The following DENND4C variants were observed in gnomAD, a reference collection of about 807,000 sequenced individuals.
DENND4C encodes DENN domain-containing protein 4C.
DENND4C carries 108 observed loss-of-function variants against 203.0 expected under a neutral mutation model. The ratio of observed to expected loss-of-function variants is 0.53; its 90% CI spans 0.46 to 0.62. The LOEUF (loss-of-function observed/expected upper bound fraction) is 0.62. DENND4C is among the 20% of genes least tolerant of loss of function. The probability of loss-of-function intolerance (pLI) is 0.00; values close to 1 mark genes in which losing one functional copy is unlikely to be tolerated. For missense variants in DENND4C, 2,481 were observed against 2,301.2 expected, an observed-to-expected ratio of 1.08 and a Z score of -1.60; for synonymous variants, 871 against 792.4, an observed-to-expected ratio of 1.10 and a Z score of -1.67.
chr9:19,340,883 T>C, intron 20 of DENND4C, 109 bp from the exon 21 acceptor site: 1 of 985,856 alleles, frequency 1.0e-6, no homozygotes, highest in Non-Finnish European at 1.4e-6. Context: ...CTTGTCTTCC[T>C]TTTGTCTAAC....
intron 5 of DENND4C, 58 bp downstream of exon 5, chr9:19,290,934 G>A: frequency 1.3e-6 from 2 of 1,494,368 alleles, no homozygotes; most frequent in Non-Finnish European, 9.2e-7. Context: ...TTCATAAAAA[G>A]GTTAATACAA....
chr9:19,348,515 A>C (rs1369480754), intron 23 of DENND4C, among the ~76,000 whole-genome samples: 1 of 152,232 alleles, frequency 6.6e-6, no homozygotes, highest in Non-Finnish European at 1.5e-5. Flanking sequence ...AATGGCTTGG[A>C]AGCTTAAAGC....
At chr9:19,256,533 A>C (rs1828012956) in intron 1 of DENND4C, among the ~76,000 whole-genome samples, 1 of 151,612 alleles carries the variant, frequency 6.6e-6, no homozygotes, top group Non-Finnish European at 1.5e-5. Flanking sequence ...TAGGCTGGTC[A>C]CGAGCTCCCA....
Position 19,341,088 on chromosome 9 carries a change from TA to T in DENND4C, c.2980del (p.Thr994LeufsTer41), listed in dbSNP as rs761043714. The stretch of plus-strand genomic sequence containing the variant: ...GAAGAACAGGCAGCAAGAGAATTGA[TA>T]ACTAAAACAAAAATGCAAACAGAAG... The part of the protein sequence containing the change: ...VPEEQAAREL[I>X]TKTKMQTEEV... On this transcript the variant is annotated frameshift_variant, in exon 21 of 33. Transcript: ENST00000434457. LOFTEE classifies it high-confidence loss of function. 1.2e-6 allele frequency: 2 copies of T among 1,611,918 alleles called. No individual in the cohort carries two copies. The highest frequency in any genetic ancestry group is 1.7e-6 in the Non-Finnish European group (2 of 1,179,180).
chr9:19,359,119 G>C (rs1825953499), intron 28 of DENND4C, among the ~76,000 whole-genome samples: 1 of 151,752 alleles, frequency 6.6e-6, no homozygotes, highest in African/African-American at 2.4e-5. Context: ...TTAAATGCTT[G>C]ATTTTTTCCT....
intron 12 of DENND4C, among the ~76,000 whole-genome samples, chr9:19,323,781 A>G (rs1843279577): frequency 6.6e-6 from 1 of 152,230 alleles, no homozygotes; most frequent in East Asian, 1.9e-4. Context: ...AAAGTTGTAG[A>G]GCTGGAGGTT....
chr9:19,249,584 G>C (rs181252345), intron 1 of DENND4C, among the ~76,000 whole-genome samples: 1 of 152,070 alleles, frequency 6.6e-6, no homozygotes, highest in South Asian at 2.1e-4. Flanking sequence ...ACAAACACAA[G>C]AACTCCTTTC....
In DENND4C at chr9:19,316,858, A is replaced by G; in HGVS notation, c.1807+19A>G. On this transcript the variant is annotated intron_variant, in intron 12 of 32. Transcript: ENST00000434457. Reference sequence around the variant, plus strand: ...CGACAGGGTGAGTAGCATTGAAAGTACAATTCCTTTTATTGAGGTGAAAAA... The same window carrying G: ...CGACAGGGTGAGTAGCATTGAAAGTGCAATTCCTTTTATTGAGGTGAAAAA... 6.3e-7 allele frequency: 1 copy of G among 1,579,224 alleles called. No homozygotes were observed. Among genetic ancestry groups the G allele is most frequent in the Non-Finnish European group, 8.6e-7 (1 of 1,162,848 alleles).
intron 1 of DENND4C, among the ~76,000 whole-genome samples, chr9:19,245,546 A>G (rs1411428724): frequency 1.4e-5 from 2 of 146,042 alleles, no homozygotes; most frequent in South Asian, 2.2e-4. Context: ...TATCACCATG[A>G]TCTGTAACTT....
chr9:19,276,576 C>T, intron 2 of DENND4C, 97 bp downstream of exon 2: 1 of 654,772 alleles, frequency 1.5e-6, no homozygotes, highest in Non-Finnish European at 2.2e-6. Flanking sequence ...TTTATTATTA[C>T]TGATAGTTTA....
At chr9:19,288,744 T>C in intron 4 of DENND4C, 79 bp downstream of exon 4, 3 of 689,630 alleles carry the variant, frequency 4.4e-6, no homozygotes. Flanking sequence ...AGATAAAGTA[T>C]GCTCCCTTAC....
chr9:19,271,003 G>A (rs373155454), intron 1 of DENND4C, among the ~76,000 whole-genome samples: 14 of 152,126 alleles, frequency 9.2e-5, no homozygotes, highest in Middle Eastern at 3.4e-3. Context: ...AAGTACTTAG[G>A]AATAAATCTG....
rs753001120 is a variant in DENND4C, at chr9:19,325,980, T to G, written c.1989+6T>G. Reference sequence around the variant, plus strand: ...GCACAGAGAAAACAGATAAGGTATGTTTTTCTTAGATTTTAAGGGTTGAAA... The same window carrying G: ...GCACAGAGAAAACAGATAAGGTATGGTTTTCTTAGATTTTAAGGGTTGAAA... On this transcript the variant is annotated splice_donor_region_variant and intron_variant, in intron 14 of 32. Coordinates refer to ENST00000434457, the MANE Select transcript of DENND4C (RefSeq NM_001330640.2). The G allele has an allele frequency of 6.2e-7, 1 of 1,609,374 alleles. No homozygotes were observed. The highest frequency in any genetic ancestry group is 8.5e-7 in the Non-Finnish European group (1 of 1,178,376).
At chr9:19,343,531 A>T (rs1312257831) in intron 22 of DENND4C, among the ~76,000 whole-genome samples, 1 of 152,226 alleles carries the variant, frequency 6.6e-6, no homozygotes, top group Non-Finnish European at 1.5e-5. Context: ...TCTTAAACCA[A>T]TGTAAAAGTA....
intron 1 of DENND4C, among the ~76,000 whole-genome samples, chr9:19,248,308 T>A (rs1377999995): frequency 6.6e-6 from 1 of 152,216 alleles, no homozygotes; most frequent in Non-Finnish European, 1.5e-5. Flanking sequence ...TTGACTTTTT[T>A]CCTGCCTGGA....
chr9:19,240,947 A>G (rs549423131), intron 1 of DENND4C, among the ~76,000 whole-genome samples: 19 of 152,302 alleles, frequency 1.2e-4, no homozygotes, highest in Admixed American at 3.9e-4. Flanking sequence ...TAGGCGACAG[A>G]GTGACAGAAC....
Position 19,290,808 on chromosome 9 carries a change from G to C in DENND4C, c.733G>C (p.Asp245His), listed in dbSNP as rs775161968. 1.2e-6 allele frequency: 2 copies of C among 1,613,508 alleles called. No individual in the cohort carries two copies. Among genetic ancestry groups the C allele is most frequent in the South Asian group, 2.2e-5 (2 of 91,036 alleles). ...TATGGGAGCTACTATTGAGTGCTGG[G>C]ATCCTGAAACCAAATATCCACTTCC... The part of the protein sequence containing the change: ...LPMGATIECW[D>H]PETKYPLPVF... Residue 245 changes from aspartate (D) to histidine (H), a missense_variant, in exon 5 of 33, where the codon GAT becomes CAT. Asp to His is a moderately conservative substitution (Grantham distance 81). Transcript: ENST00000434457.
In DENND4C at chr9:19,358,584, C is replaced by G. The variant is rs1268975867; in HGVS notation, c.5160+424C>G. Among the ~76,000 whole-genome samples the G allele has an allele frequency of 2.0e-5, 3 of 151,716 alleles. No homozygotes were observed. The East Asian group carries it at 5.8e-4, about 29-fold the overall frequency. ...ATAGTATCAAGTTATTTAGTCTGTT[C>G]AAATTTCTGATTGTCTCAAAAATGT... On this transcript the variant is annotated intron_variant, in intron 28 of 32. Transcript: ENST00000434457. The surrounding 1 kb of genome is among the most constrained non-coding windows in gnomAD (Gnocchi z 4.8).
intron 20 of DENND4C, chr9:19,337,554 T>G (rs2131874405): frequency 8.8e-7 from 1 of 1,141,888 alleles, no homozygotes; most frequent in Non-Finnish European, 1.1e-6. Flanking sequence ...CTCTGTGCTG[T>G]TTCTTGGTGC....
Sources: allele counts gnomAD v4.1 joint callset (sites outside exome capture counted in the v4.1 genomes callset), GRCh38; gene constraint gnomAD v4.1.1; non-coding constraint Gnocchi (gnomAD v3.1); transcripts MANE v1.5; gene names NCBI Gene and HGNC (gene_info 2026-07-23, HGNC 2026-07-21).